The following MARCHF1 variants were observed in gnomAD, a reference collection of about 807,000 sequenced individuals.
MARCHF1 encodes E3 ubiquitin-protein ligase MARCHF1.
MARCHF1 carries 40 observed loss-of-function variants against 54.2 expected under a neutral mutation model. That is an observed-to-expected ratio of 0.74 (90% CI 0.57 to 0.96). The LOEUF is 0.96. Among genes scored for constraint, MARCHF1 ranks in the 40% least tolerant of loss-of-function variants. MARCHF1 has a pLI of 0.00. For synonymous variants in MARCHF1, 236 were observed against 236.3 expected, an observed-to-expected ratio of 1.00 and a Z score of 0.01; for missense variants, 586 against 656.5, an observed-to-expected ratio of 0.89 and a Z score of 1.17.
intron 2 of MARCHF1, among the ~76,000 whole-genome samples, chr4:164,007,942 C>T (rs1230973648): frequency 1.3e-5 from 2 of 151,966 alleles, no homozygotes; most frequent in Non-Finnish European, 2.9e-5. Context: ...AAACAGGTAA[C>T]AAAACGGCAG....
intron 3 of MARCHF1, among the ~76,000 whole-genome samples, chr4:163,973,906 T>C (rs1365923802): frequency 2.0e-5 from 3 of 152,222 alleles, no homozygotes; most frequent in Non-Finnish European, 4.4e-5. Context: ...AGGACTAGGA[T>C]GCTAAAACAC....
chr4:163,621,150 A>C (rs973916958), intron 5 of MARCHF1, among the ~76,000 whole-genome samples: 8 of 152,196 alleles, frequency 5.3e-5, no homozygotes, highest in Admixed American at 3.9e-4. Context: ...TTGTAATAGG[A>C]CACTGATCTT....
At chr4:163,974,864 A>G (rs1752617781) in intron 3 of MARCHF1, among the ~76,000 whole-genome samples, 1 of 152,150 alleles carries the variant, frequency 6.6e-6, no homozygotes, top group African/African-American at 2.4e-5. Context: ...TTAACAATTA[A>G]ATGGGTAAAC....
chr4:163,949,412 C>A (rs1752087385), intron 3 of MARCHF1, among the ~76,000 whole-genome samples: 1 of 152,156 alleles, frequency 6.6e-6, no homozygotes, highest in South Asian at 2.1e-4. Context: ...TAGGGCTGGG[C>A]TCCCCAAAGG....
At chr4:163,796,167 G>T (rs1230802963) in intron 4 of MARCHF1, among the ~76,000 whole-genome samples, 1 of 150,782 alleles carries the variant, frequency 6.6e-6, no homozygotes, top group Non-Finnish European at 1.5e-5. Context: ...AGGGTCAATT[G>T]CATATAAATA....
Position 163,688,954 on chromosome 4 carries a change from G to C in MARCHF1, c.162+11859C>G, listed in dbSNP as rs142641340. On this transcript the variant is annotated intron_variant, in intron 5 of 9. Coordinates refer to ENST00000514618, the MANE Select transcript of MARCHF1 (RefSeq NM_001394959.1). ...TTGGAAAAGCAACTGTAATTGCAAG[G>C]TTGTTTTAGTTTCTGCTTGGTATAA... Among the ~76,000 whole-genome samples, 71 of 152,232 alleles carry C rather than the reference G, an allele frequency of 4.7e-4. 1 individual carries two copies. In the East Asian group the frequency reaches 9.8e-3, roughly 21 times the overall value.
In MARCHF1 at chr4:163,733,240, T is replaced by C. The variant is rs967383323; in HGVS notation, c.112-32377A>G. Among the ~76,000 whole-genome samples the C allele has an allele frequency of 4.9e-4, 23 of 46,692 alleles. 1 individual carries two copies. Among genetic ancestry groups the C allele is most frequent in the African/African-American group, 1.0e-3 (18 of 17,954 alleles). 30.6% of individuals were successfully genotyped at this position (46,692 alleles called of 152,430 possible). A position where few individuals can be genotyped will look rare whatever the true frequency, so the allele number is the denominator to read the frequency against. On this transcript the variant is annotated intron_variant, in intron 4 of 9. Coordinates refer to ENST00000514618, the MANE Select transcript of MARCHF1 (RefSeq NM_001394959.1). The stretch of plus-strand genomic sequence containing the variant: ...ATATATACACGTGTATATATATATA[T>C]ACACGTGTATATATATATACACACA...
chr4:164,190,431 G>T (rs1207217077), intron 1 of MARCHF1: 1 of 434,484 alleles, frequency 2.3e-6, no homozygotes, highest in African/African-American at 2.1e-5. Flanking sequence ...AATGTAATTG[G>T]AATTGTCACC....
rs533491727 is a variant in MARCHF1, at chr4:163,863,630, C to T, written c.-38-9461G>A. Among the ~76,000 whole-genome samples the T allele has an allele frequency of 2.6e-5, 4 of 152,098 alleles. No homozygotes were observed. The East Asian group carries it at 5.8e-4, about 22-fold the overall frequency. ...TGCTTAGGTTAGTATACATTCATATCTCACTGCTGTGTCACTTGACGGGTC... is the reference window on the plus strand; with the variant it reads ...TGCTTAGGTTAGTATACATTCATATTTCACTGCTGTGTCACTTGACGGGTC... On this transcript the variant is annotated intron_variant, in intron 3 of 9. Transcript: ENST00000514618.
rs556443897 is a variant in MARCHF1, at chr4:163,894,038, ATCCATTTCCTCATTTT to A, written c.-38-39885_-38-39870del. Among the ~76,000 whole-genome samples the A allele has an allele frequency of 5.3e-5, 8 of 152,306 alleles. 1 individual carries two copies. Among genetic ancestry groups the A allele is most frequent in the African/African-American group, 1.7e-4 (7 of 41,556 alleles). ...TTATGACACCTCAATTAAGTTGTTT[ATCCATTTCCTCATTTT>A]TCTCGTGTAATCCCAGAAAATGAAG... On this transcript the variant is annotated intron_variant, in intron 3 of 9. Transcript: ENST00000514618.
intron 1 of MARCHF1, among the ~76,000 whole-genome samples, chr4:164,171,267 A>G (rs1730518699): frequency 6.6e-6 from 1 of 152,146 alleles, no homozygotes; most frequent in South Asian, 2.1e-4. Context: ...CCATCATCAT[A>G]AGTGATACAA....
rs542517866 is a variant in MARCHF1, at chr4:163,526,121, G to C, written c.*2627C>G. The C allele has an allele frequency of 4.6e-5, 7 of 152,016 alleles. No individual in the cohort carries two copies. Among genetic ancestry groups the C allele is most frequent in the Admixed American group, 1.3e-4 (2 of 15,230 alleles). The allele number at this position is 152,016 out of a possible 1,614,324, so 9.4% of individuals were successfully genotyped here. On this transcript the variant is annotated 3_prime_UTR_variant, in exon 10 of 10. Transcript: ENST00000514618. ...ATGTCCAAGCCCATAAAAGTTAATT[G>C]CAAGAATTTAGGTATAGTTTTAAAA... is the stretch of plus-strand genomic sequence containing the variant.
intron 1 of MARCHF1, among the ~76,000 whole-genome samples, chr4:164,345,871 T>G (rs1226025896): frequency 6.6e-6 from 1 of 152,132 alleles, no homozygotes; most frequent in Non-Finnish European, 1.5e-5. Context: ...TAATGCATTG[T>G]AAATATTGGA....
intron 1 of MARCHF1, among the ~76,000 whole-genome samples, chr4:164,225,433 T>G (rs938421564): frequency 2.0e-5 from 3 of 152,068 alleles, no homozygotes; most frequent in Non-Finnish European, 4.4e-5. Flanking sequence ...TAAAGGATTA[T>G]TTTTTGGGGG....
intron 1 of MARCHF1, among the ~76,000 whole-genome samples, chr4:164,287,408 T>C (rs1170000488): frequency 6.6e-6 from 1 of 152,178 alleles, no homozygotes; most frequent in Non-Finnish European, 1.5e-5. Context: ...TTTAAAACAG[T>C]TGCCGTGTCG....
intron 1 of MARCHF1, among the ~76,000 whole-genome samples, chr4:164,346,172 G>A (rs1730090078): frequency 6.6e-6 from 1 of 152,114 alleles, no homozygotes; most frequent in South Asian, 2.1e-4. Flanking sequence ...CTGAGTAAAT[G>A]AGTTAAACAG....
chr4:163,664,047 C>A (rs1743441855), intron 5 of MARCHF1, among the ~76,000 whole-genome samples: 1 of 151,822 alleles, frequency 6.6e-6, no homozygotes, highest in Non-Finnish European at 1.5e-5. Flanking sequence ...GAAAAATAAA[C>A]CGAGTACTCT....
intron 4 of MARCHF1, among the ~76,000 whole-genome samples, chr4:163,750,373 T>C (rs531721468): frequency 6.6e-6 from 1 of 151,708 alleles, no homozygotes; most frequent in African/African-American, 2.4e-5. Flanking sequence ...TAGCCAGGTG[T>C]GGTGGCAGGC....
chr4:163,965,534 C>T (rs1752425344), intron 3 of MARCHF1, among the ~76,000 whole-genome samples: 1 of 152,040 alleles, frequency 6.6e-6, no homozygotes, highest in Non-Finnish European at 1.5e-5. Flanking sequence ...TCTCTCATTT[C>T]TCTCTTACAA....
Sources: gnomAD v4.1 joint callset for allele counts (sites outside exome capture counted in the v4.1 genomes callset) on GRCh38, gnomAD v4.1.1 for gene constraint, MANE v1.5 for transcripts, NCBI Gene and HGNC (gene_info 2026-07-23, HGNC 2026-07-21) for gene names.